THSD7A: variants seen among roughly 807,000 people sequenced by gnomAD.
THSD7A encodes the protein thrombospondin type-1 domain-containing protein 7A.
A neutral mutation model predicts 231.3 loss-of-function variants in THSD7A; 96 were observed. The ratio of observed to expected loss-of-function variants is 0.41; its 90% CI spans 0.35 to 0.49. THSD7A has a LOEUF of 0.49. Among genes scored for constraint, THSD7A ranks in the 20% least tolerant of loss-of-function variants. THSD7A has a pLI of 0.05. For synonymous variants in THSD7A, 940 were observed against 743.3 expected, an observed-to-expected ratio of 1.26 and a Z score of -4.30; for missense variants, 2,290 against 2,070.2, an observed-to-expected ratio of 1.11 and a Z score of -2.06.
chr7:11,583,351 A>G (rs1410557925), intron 4 of THSD7A, among the ~76,000 whole-genome samples: 1 of 152,078 alleles, frequency 6.6e-6, no homozygotes, highest in East Asian at 1.9e-4. Context: ...ATCTTGGCTA[A>G]CTGCAATCTC....
At chr7:11,706,882 C>G (rs1172882638) in intron 1 of THSD7A, among the ~76,000 whole-genome samples, 1 of 150,538 alleles carries the variant, frequency 6.6e-6, no homozygotes, top group East Asian at 2.0e-4. Context: ...CTGAACTCTG[C>G]AGATACCAAA....
At chr7:11,666,225 A>C (rs915762257) in intron 1 of THSD7A, among the ~76,000 whole-genome samples, 5 of 152,080 alleles carry the variant, frequency 3.3e-5, no homozygotes, top group African/African-American at 1.2e-4. Context: ...GATTTTGGCA[A>C]ATTTGCATAT....
At chr7:11,659,089 C>T (rs1215245896) in intron 1 of THSD7A, among the ~76,000 whole-genome samples, 3 of 151,608 alleles carry the variant, frequency 2.0e-5, no homozygotes, top group Non-Finnish European at 3.0e-5. Context: ...AATTAATCTC[C>T]AACTCTTCCA....
At chr7:11,679,013 C>G (rs752917025) in intron 1 of THSD7A, among the ~76,000 whole-genome samples, 2 of 152,166 alleles carry the variant, frequency 1.3e-5, no homozygotes, top group Non-Finnish European at 2.9e-5. Context: ...TTCAAGTCAG[C>G]TTCATCCCTG....
At chr7:11,395,421 A>G (rs559302233) in intron 23 of THSD7A, among the ~76,000 whole-genome samples, 1 of 152,304 alleles carries the variant, frequency 6.6e-6, no homozygotes, top group East Asian at 1.9e-4. Context: ...AATGAGACAG[A>G]TAATTAATAA....
intron 1 of THSD7A, among the ~76,000 whole-genome samples, chr7:11,763,760 A>T (rs1461582969): frequency 6.6e-6 from 1 of 152,176 alleles, no homozygotes; most frequent in African/African-American, 2.4e-5. Flanking sequence ...CTGCCTTTCT[A>T]GGAAAATGAT....
chr7:11,716,972 C>T (rs892453714), intron 1 of THSD7A, among the ~76,000 whole-genome samples: 2 of 151,674 alleles, frequency 1.3e-5, no homozygotes, highest in Non-Finnish European at 3.0e-5. Flanking sequence ...TCTCACCTTA[C>T]ATTCTATTAT....
intron 6 of THSD7A, among the ~76,000 whole-genome samples, chr7:11,536,364 C>T (rs545691553): frequency 6.6e-6 from 1 of 152,258 alleles, no homozygotes; most frequent in South Asian, 2.1e-4. Context: ...ATCCCTTTCA[C>T]TGGATCTCTG....
Position 11,634,126 on chromosome 7 carries a change from T to C in THSD7A, c.1022+2004A>G, listed in dbSNP as rs1434555737. Among the ~76,000 whole-genome samples, 2 of 152,174 alleles carry C rather than the reference T, an allele frequency of 1.3e-5. No homozygotes were observed. The highest frequency in any genetic ancestry group is 2.9e-5 in the Non-Finnish European group (2 of 68,016). On this transcript the variant is annotated intron_variant, in intron 2 of 27. Transcript: ENST00000423059. This position sits in a 1 kb window ranked among gnomAD's most constrained non-coding sequence, Gnocchi z 4.1. ...TTTCTTGATCACACATGATAATTCATATATAATAGAAATATTCACAGCCAA... is the reference window on the plus strand; with the variant it reads ...TTTCTTGATCACACATGATAATTCACATATAATAGAAATATTCACAGCCAA...
chr7:11,656,638 C>T (rs1782719402), intron 1 of THSD7A, among the ~76,000 whole-genome samples: 1 of 151,872 alleles, frequency 6.6e-6, no homozygotes, highest in Non-Finnish European at 1.5e-5. Flanking sequence ...TCATTCATAA[C>T]AATATCTGGT....
At chr7:11,453,915 T>G (rs1268887051) in intron 11 of THSD7A, among the ~76,000 whole-genome samples, 1 of 152,018 alleles carries the variant, frequency 6.6e-6, no homozygotes, top group Non-Finnish European at 1.5e-5. Context: ...GGCAATTCTA[T>G]CCATAGTTAT....
Position 11,640,273 on chromosome 7 carries a change from T to G in THSD7A, c.191-3312A>C, listed in dbSNP as rs115428021. On this transcript the variant is annotated intron_variant, in intron 1 of 27. Coordinates refer to ENST00000423059, the MANE Select transcript of THSD7A (RefSeq NM_015204.3). ...CAGTAATATTTATTGAATGAATGAA[T>G]AAAATCAGAAACCAAATCAAGAAAA... Among the ~76,000 whole-genome samples, 641 of 152,312 alleles carry G rather than the reference T, an allele frequency of 4.2e-3. 3 individuals are homozygous for G. The highest frequency in any genetic ancestry group is 0.015 in the African/African-American group (608 of 41,576).
At chr7:11,818,419 G>C (rs1187685601) in intron 1 of THSD7A, among the ~76,000 whole-genome samples, 2 of 152,250 alleles carry the variant, frequency 1.3e-5, no homozygotes, top group African/African-American at 4.8e-5. Context: ...ATCCACTTCT[G>C]GGTCATTGTT....
intron 4 of THSD7A, among the ~76,000 whole-genome samples, chr7:11,586,074 A>G (rs953185256): frequency 2.0e-5 from 3 of 152,162 alleles, no homozygotes; most frequent in Non-Finnish European, 4.4e-5. Context: ...CATGGGTTCT[A>G]GTCCTTTTTC....
chr7:11,545,481 A>G (rs184037260), intron 4 of THSD7A, among the ~76,000 whole-genome samples: 1 of 152,266 alleles, frequency 6.6e-6, no homozygotes, highest in African/African-American at 2.4e-5. Context: ...CCAGACCATT[A>G]AGAAGACCTG....
Position 11,543,088 on chromosome 7 carries a change from T to C in THSD7A, c.1483A>G (p.Thr495Ala). ...ASKPMDLKLC[T>A]GPIPNTTQLC... is the part of the protein sequence containing the mutation. ...TGTGTAGTATTAGGGATAGGTCCAG[T>C]GCATAATTTTAAGTCCATTGGCTTT... The change falls in exon 5 of 28, where the codon ACT becomes GCT. Residue 495 changes from threonine to alanine, a missense_variant. By Grantham distance (58) the Thr-to-Ala change is moderately conservative. Coordinates refer to ENST00000423059, the MANE Select transcript of THSD7A (RefSeq NM_015204.3). The C allele has an allele frequency of 6.2e-7, 1 of 1,612,638 alleles. No homozygotes were observed. The highest frequency in any genetic ancestry group is 8.5e-7 in the Non-Finnish European group (1 of 1,179,460).
At chr7:11,505,599 T>G (rs1055281045) in intron 6 of THSD7A, among the ~76,000 whole-genome samples, 1 of 152,184 alleles carries the variant, frequency 6.6e-6, no homozygotes, top group Non-Finnish European at 1.5e-5. Flanking sequence ...AGGCAAACAA[T>G]TAAAATACAC....
rs1583748813 is a variant in THSD7A at position 11,441,983 on chromosome 7, T to C, written c.3064+4078A>G. Among the ~76,000 whole-genome samples, 3 of 151,922 alleles carry C rather than the reference T, an allele frequency of 2.0e-5. No homozygotes were observed. In the East Asian group the frequency reaches 5.8e-4, roughly 29 times the overall value. ...GTTTCCCAGAACTTAAAGTATAATTTTAAAAAAAAGCATAAAAAACTGCTA... is the reference window on the plus strand; with the variant it reads ...GTTTCCCAGAACTTAAAGTATAATTCTAAAAAAAAGCATAAAAAACTGCTA... On this transcript the variant is annotated intron_variant, in intron 13 of 27. Coordinates refer to ENST00000423059, the MANE Select transcript of THSD7A (RefSeq NM_015204.3).
At chr7:11,640,043 A>C (rs1438007034) in intron 1 of THSD7A, among the ~76,000 whole-genome samples, 5 of 152,280 alleles carry the variant, frequency 3.3e-5, no homozygotes, top group Non-Finnish European at 5.9e-5. Flanking sequence ...AATTATGGAG[A>C]GCTCCCTTTT....
Sources: gnomAD v4.1 joint callset for allele counts (sites outside exome capture counted in the v4.1 genomes callset) on GRCh38, gnomAD v4.1.1 for gene constraint, Gnocchi (gnomAD v3.1) non-coding constraint, MANE v1.5 for transcripts, NCBI Gene and HGNC (gene_info 2026-07-23, HGNC 2026-07-21) for gene names.